Variants in CNTNAP2 observed in about 807,000 individuals in gnomAD.
CNTNAP2 encodes the protein contactin-associated protein-like 2.
CNTNAP2 carries 98 observed loss-of-function variants against 155.2 expected under a neutral mutation model. The observed-to-expected ratio is 0.63, with a 90% CI of 0.54 to 0.75. The LOEUF (loss-of-function observed/expected upper bound fraction) is 0.75. CNTNAP2 is among the 30% of genes least tolerant of loss of function. The pLI is 0.00. For synonymous variants in CNTNAP2, 651 were observed against 631.2 expected (o/e 1.03, Z -0.47); for missense variants, 1,727 against 1,688.1 (o/e 1.02, Z -0.40).
At chr7:147,753,959 C>A (rs1797177050) in intron 13 of CNTNAP2, among the ~76,000 whole-genome samples, 1 of 152,094 alleles carries the variant, frequency 6.6e-6, no homozygotes, top group African/African-American at 2.4e-5. Context: ...AGGCTTTTGT[C>A]CCTCACTTTT....
chr7:146,932,023 T>C (rs1796771853), intron 3 of CNTNAP2, among the ~76,000 whole-genome samples: 1 of 150,452 alleles, frequency 6.6e-6, no homozygotes, highest in East Asian at 2.0e-4. Flanking sequence ...GAGGAACTGG[T>C]ACCATTCCTT....
intron 8 of CNTNAP2, among the ~76,000 whole-genome samples, chr7:147,214,741 G>A (rs1477493882): frequency 2.0e-5 from 3 of 152,064 alleles, no homozygotes; most frequent in African/African-American, 7.2e-5. Flanking sequence ...TATATTTCCT[G>A]CCCCCACACA....
In CNTNAP2 at chr7:147,772,708, G is replaced by A. The variant is rs76337343; in HGVS notation, c.2099-130857G>A. 7.8e-3 allele frequency among the ~76,000 whole-genome samples: 1,177 copies of A among 151,856 alleles called. 9 individuals are homozygous for A. Among genetic ancestry groups the A allele is most frequent in the African/African-American group, 0.027 (1,130 of 41,402 alleles). On this transcript the variant is annotated intron_variant, in intron 13 of 23. Coordinates refer to ENST00000361727, the MANE Select transcript of CNTNAP2 (RefSeq NM_014141.6). ...TCACCTTCCTCCCCAGTGAACAGAG[G>A]CAGCAGTAACCTAACTGGACTCTAG... is the stretch of plus-strand genomic sequence containing the variant.
At chr7:146,456,787 A>G (rs895132816) in intron 1 of CNTNAP2, among the ~76,000 whole-genome samples, 7 of 152,122 alleles carry the variant, frequency 4.6e-5, no homozygotes, top group African/African-American at 1.4e-4. Flanking sequence ...AAATATGTCT[A>G]TAAGCATTCA....
chr7:148,288,687 A>T (rs527260879), intron 21 of CNTNAP2, among the ~76,000 whole-genome samples: 1 of 152,198 alleles, frequency 6.6e-6, no homozygotes, highest in East Asian at 1.9e-4. Flanking sequence ...TTTTTTGAAA[A>T]TTGTTCCAAT....
chr7:146,319,157 C>A (rs1210756806), intron 1 of CNTNAP2, among the ~76,000 whole-genome samples: 1 of 152,068 alleles, frequency 6.6e-6, no homozygotes, highest in Non-Finnish European at 1.5e-5. Flanking sequence ...CCCTCCTTAT[C>A]CTCTAGGTCA....
chr7:147,124,016 T>C (rs1009869743), intron 6 of CNTNAP2, among the ~76,000 whole-genome samples: 14 of 152,132 alleles, frequency 9.2e-5, no homozygotes, highest in African/African-American at 3.4e-4. Context: ...CACTCCAGCT[T>C]GGGCAAAAAG....
intron 15 of CNTNAP2, among the ~76,000 whole-genome samples, chr7:148,065,453 C>T (rs961282651): frequency 6.6e-6 from 1 of 151,984 alleles, no homozygotes; most frequent in Non-Finnish European, 1.5e-5. Context: ...AATTATTGTC[C>T]AAATTTGGGA....
At chr7:147,308,721 T>G (rs1001687224) in intron 9 of CNTNAP2, among the ~76,000 whole-genome samples, 1 of 152,180 alleles carries the variant, frequency 6.6e-6, no homozygotes, top group Non-Finnish European at 1.5e-5. Context: ...TCCACCAAAA[T>G]TAACGGAACC....
chr7:146,283,323 T>A (rs889574122), intron 1 of CNTNAP2, among the ~76,000 whole-genome samples: 3 of 152,156 alleles, frequency 2.0e-5, no homozygotes, highest in Non-Finnish European at 2.9e-5. Context: ...TCAACATTTA[T>A]TTATACTACT....
chr7:147,902,814 A>ATGTG lies in CNTNAP2; in HGVS notation c.2099-725_2099-722dup, dbSNP rs71183034. Among the ~76,000 whole-genome samples, 556 of 127,376 alleles carry ATGTG rather than the reference A, an allele frequency of 4.4e-3. 5 individuals carry two copies. The highest frequency in any genetic ancestry group is 0.021 in the East Asian group (72 of 3,488). The allele number at this position is 127,376 out of a possible 152,430, so 83.6% of individuals were successfully genotyped here. The stretch of plus-strand genomic sequence containing the variant: ...TGTGTGTGTGTGTGTGTGTGTGTGT[A>ATGTG]TGTGTGTGTGTGTGTGTGTGTGTGT... On this transcript the variant is annotated intron_variant, in intron 13 of 23. Coordinates refer to ENST00000361727, the MANE Select transcript of CNTNAP2 (RefSeq NM_014141.6).
intron 22 of CNTNAP2, among the ~76,000 whole-genome samples, chr7:148,406,883 C>T (rs893544990): frequency 1.3e-5 from 2 of 152,194 alleles, no homozygotes; most frequent in African/African-American, 2.4e-5. Context: ...AAACCACATC[C>T]ATGCTTCAGT....
chr7:146,891,043 T>C (rs1045271475), intron 3 of CNTNAP2, among the ~76,000 whole-genome samples: 6 of 152,142 alleles, frequency 3.9e-5, no homozygotes, highest in African/African-American at 1.4e-4. Flanking sequence ...CATATATATC[T>C]CATAGAATAC....
chr7:146,308,280 A>T (rs1380845375), intron 1 of CNTNAP2, among the ~76,000 whole-genome samples: 1 of 152,228 alleles, frequency 6.6e-6, no homozygotes, highest in South Asian at 2.1e-4. Flanking sequence ...ACAATGAGAT[A>T]CCATCTCACA....
rs57422437 is a variant in CNTNAP2, at chr7:147,949,440, G to GTATATATATATATA, written c.2256-28416_2256-28403dup. 7.8e-5 allele frequency among the ~76,000 whole-genome samples: 10 copies of GTATATATATATATA among 127,398 alleles called. No individual in the cohort carries two copies. The South Asian group carries it at 1.2e-3, about 15-fold the overall frequency. The allele number at this position is 127,398 out of a possible 152,430, so 83.6% of individuals were successfully genotyped here. On this transcript the variant is annotated intron_variant, in intron 14 of 23. Coordinates refer to ENST00000361727, the MANE Select transcript of CNTNAP2 (RefSeq NM_014141.6). ...TGTGTTGTTCAAGGATCAACTGTGT[G>GTATATATATATATA]TATATATATATATATATATTTTTTT...
intron 3 of CNTNAP2, among the ~76,000 whole-genome samples, chr7:146,905,485 G>C (rs1258163367): frequency 1.3e-5 from 2 of 152,074 alleles, no homozygotes; most frequent in Non-Finnish European, 1.5e-5. Context: ...CAGAAGTTTG[G>C]AGTAAAATTC....
chr7:148,101,834 A>G (rs1279169076), intron 15 of CNTNAP2, among the ~76,000 whole-genome samples: 1 of 152,188 alleles, frequency 6.6e-6, no homozygotes, highest in African/African-American at 2.4e-5. Context: ...TGGCAGGGGA[A>G]GCTATAATCT....
intron 1 of CNTNAP2, among the ~76,000 whole-genome samples, chr7:146,720,937 CTT>C (rs1491236902): frequency 5.2e-5 from 7 of 134,530 alleles, no homozygotes; most frequent in South Asian, 2.3e-4. Flanking sequence ...TATATATATA[CTT>C]TCTCTATATA....
chr7:147,724,159 A>C (rs983044618), intron 13 of CNTNAP2, among the ~76,000 whole-genome samples: 4 of 152,098 alleles, frequency 2.6e-5, no homozygotes, highest in Non-Finnish European at 5.9e-5. Context: ...TACGTTCAAA[A>C]AATTTCCCAA....
Sources: allele counts gnomAD v4.1 joint callset (sites outside exome capture counted in the v4.1 genomes callset), GRCh38; gene constraint gnomAD v4.1.1; transcripts MANE v1.5; gene names NCBI Gene and HGNC (gene_info 2026-07-23, HGNC 2026-07-21).